FAM107B: variants seen among roughly 807,000 people sequenced by gnomAD.
The protein encoded by FAM107B is family with sequence similarity 107 member B.
FAM107B carries 21 observed loss-of-function variants against 31.5 expected under a neutral mutation model. The ratio of observed to expected loss-of-function variants is 0.67; its 90% CI spans 0.47 to 0.96. FAM107B has a LOEUF of 0.96. Ranked by LOEUF, FAM107B falls within the 40% of genes least tolerant of loss-of-function variation. FAM107B has a pLI of 0.00. For synonymous variants in FAM107B, 157 were observed against 141.5 expected, an observed-to-expected ratio of 1.11 and a Z score of -0.78; for missense variants, 452 against 377.1, an observed-to-expected ratio of 1.20 and a Z score of -1.64.
At chr10:14,623,087 C>T (rs917211461) in intron 2 of FAM107B, among the ~76,000 whole-genome samples, 20 of 152,198 alleles carry the variant, frequency 1.3e-4, no homozygotes, top group African/African-American at 4.8e-4. Context: ...TTAAGCTGCT[C>T]ATGTTCATTC....
At chr10:14,694,938 A>T (rs1307394935) in intron 1 of FAM107B, among the ~76,000 whole-genome samples, 1 of 152,026 alleles carries the variant, frequency 6.6e-6, no homozygotes, top group African/African-American at 2.4e-5. Context: ...TATTTTTCCC[A>T]ATGTATAGGT....
chr10:14,572,695 C>G (rs2131274259), intron 2 of FAM107B, among the ~76,000 whole-genome samples: 1 of 137,582 alleles, frequency 7.3e-6, no homozygotes, highest in Admixed American at 7.6e-5. Flanking sequence ...GCATTTCAAC[C>G]TGGGTAACAC....
At chr10:14,600,718 C>A (rs1852366294) in intron 2 of FAM107B, among the ~76,000 whole-genome samples, 1 of 152,202 alleles carries the variant, frequency 6.6e-6, no homozygotes, top group Non-Finnish European at 1.5e-5. Context: ...CAGCTCACTG[C>A]AGCCTCGAAC....
In FAM107B at chr10:14,520,990, C is replaced by T. The variant is rs1845572845; in HGVS notation, c.*200G>A. ...ATTCCAACTTACGTGCGGGGCACTG[C>T]CCTTCATTTGGCGAATAGGAACTGC... On this transcript the variant is annotated 3_prime_UTR_variant, in exon 5 of 5. Coordinates refer to ENST00000181796, the MANE Select transcript of FAM107B (RefSeq NM_031453.4). The T allele has an allele frequency of 1.9e-6, 1 of 533,750 alleles. No homozygotes were observed. Among genetic ancestry groups the T allele is most frequent in the East Asian group, 3.1e-5 (1 of 31,910 alleles). The allele number at this position is 533,750 out of a possible 1,614,324, so 33.1% of individuals were successfully genotyped here.
intron 1 of FAM107B, among the ~76,000 whole-genome samples, chr10:14,749,199 T>C (rs767499743): frequency 2.0e-5 from 3 of 152,140 alleles, no homozygotes; most frequent in Non-Finnish European, 2.9e-5. Flanking sequence ...AGGCTATGTT[T>C]ATAAGCCAGG....
chr10:14,763,892 G>T (rs998638104), intron 1 of FAM107B, among the ~76,000 whole-genome samples: 2 of 152,246 alleles, frequency 1.3e-5, no homozygotes, highest in Non-Finnish European at 1.5e-5. Flanking sequence ...TATACACATT[G>T]CTGTCCCCAT....
At chr10:14,586,838 C>T (rs1180520324) in intron 2 of FAM107B, among the ~76,000 whole-genome samples, 1 of 152,188 alleles carries the variant, frequency 6.6e-6, no homozygotes, top group Non-Finnish European at 1.5e-5. Context: ...CCCTCTACCC[C>T]CACCAGGTTC....
intron 1 of FAM107B, among the ~76,000 whole-genome samples, chr10:14,736,525 C>A (rs539129600): frequency 6.6e-6 from 1 of 152,242 alleles, no homozygotes; most frequent in South Asian, 2.1e-4. Flanking sequence ...AAAGTGAATA[C>A]TACTTTATGT....
intron 2 of FAM107B, among the ~76,000 whole-genome samples, chr10:14,546,360 C>A (rs2131016551): frequency 6.6e-6 from 1 of 152,354 alleles, no homozygotes; most frequent in African/African-American, 2.4e-5. Flanking sequence ...ACATTTTCTA[C>A]TGATCTGTGG....
intron 1 of FAM107B, among the ~76,000 whole-genome samples, chr10:14,690,442 C>A (rs1855104506): frequency 6.6e-6 from 1 of 151,982 alleles, no homozygotes; most frequent in African/African-American, 2.4e-5. Context: ...CACAACTAGC[C>A]CCTTTATTTT....
intron 1 of FAM107B, among the ~76,000 whole-genome samples, chr10:14,680,706 C>T (rs966745153): frequency 1.3e-5 from 2 of 152,124 alleles, no homozygotes; most frequent in African/African-American, 4.8e-5. Context: ...CTTCCTCTGG[C>T]TCAAGGAATT....
At chr10:14,686,257 T>G (rs970769021) in intron 1 of FAM107B, among the ~76,000 whole-genome samples, 1 of 152,020 alleles carries the variant, frequency 6.6e-6, no homozygotes, top group African/African-American at 2.4e-5. Flanking sequence ...GGCATGTTGG[T>G]TGGCACCTGT....
chr10:14,559,264 G>A (rs1850018304), intron 2 of FAM107B, among the ~76,000 whole-genome samples: 2 of 152,214 alleles, frequency 1.3e-5, no homozygotes, highest in African/African-American at 2.4e-5. Flanking sequence ...ACCATTTGGT[G>A]GACCATCTCT....
At chr10:14,607,167 G>C (rs1376918028) in intron 2 of FAM107B, among the ~76,000 whole-genome samples, 1 of 152,152 alleles carries the variant, frequency 6.6e-6, no homozygotes, top group African/African-American at 2.4e-5. Context: ...CCATACTCTG[G>C]GGTATAAATG....
At chr10:14,633,466 C>G (rs1422495619) in intron 2 of FAM107B, among the ~76,000 whole-genome samples, 1 of 152,152 alleles carries the variant, frequency 6.6e-6, no homozygotes, top group Non-Finnish European at 1.5e-5. Flanking sequence ...TCTTCTAGTA[C>G]TTTGGATAAG....
At chr10:14,541,662 CCA>C (rs1202194319) in intron 2 of FAM107B, among the ~76,000 whole-genome samples, 1 of 152,200 alleles carries the variant, frequency 6.6e-6, no homozygotes, top group Non-Finnish European at 1.5e-5. Context: ...GGCTAATTTC[CCA>C]CGTTTCCACA....
At chr10:14,749,043 G>T (rs977816188) in intron 1 of FAM107B, among the ~76,000 whole-genome samples, 13 of 152,190 alleles carry the variant, frequency 8.5e-5, no homozygotes, top group African/African-American at 2.4e-4. Context: ...AAGAAAAAGA[G>T]CCAGAATGCT....
chr10:14,602,049 T>C (rs990850744), intron 2 of FAM107B, among the ~76,000 whole-genome samples: 10 of 152,172 alleles, frequency 6.6e-5, no homozygotes, highest in African/African-American at 2.4e-4. Flanking sequence ...TCCAGTCCCC[T>C]GGGGTAGGAG....
At chr10:14,524,492 T>G (rs573334234) in intron 3 of FAM107B, among the ~76,000 whole-genome samples, 1 of 152,228 alleles carries the variant, frequency 6.6e-6, no homozygotes, top group Non-Finnish European at 1.5e-5. Flanking sequence ...TGTGATTTAA[T>G]TATGGTTTAT....
Sources: allele counts gnomAD v4.1 joint callset (sites outside exome capture counted in the v4.1 genomes callset), GRCh38; gene constraint gnomAD v4.1.1; transcripts MANE v1.5; gene names NCBI Gene and HGNC (gene_info 2026-07-23, HGNC 2026-07-21).